LRRC59: variants seen among roughly 807,000 people sequenced by gnomAD.
The protein encoded by LRRC59 is leucine-rich repeat-containing protein 59.
In LRRC59, 18 loss-of-function variants were observed where a neutral mutation model predicts 33.5. That is an observed-to-expected ratio of 0.54 (90% CI 0.37 to 0.80). The LOEUF (loss-of-function observed/expected upper bound fraction) is 0.80, where lower values mean the gene tolerates loss of function less well. Ranked by LOEUF, LRRC59 falls within the 30% of genes least tolerant of loss-of-function variation. The pLI, the probability that LRRC59 is intolerant of heterozygous loss-of-function variation, is 0.00. For missense variants in LRRC59, 330 were observed against 391.9 expected (o/e 0.84, Z 1.33); for synonymous variants, 138 against 160.0 (o/e 0.86, Z 1.04).
chr17:50,388,432 T>C (rs1427979747), intron 4 of LRRC59, among the ~76,000 whole-genome samples: 2 of 152,110 alleles, frequency 1.3e-5, no homozygotes, highest in East Asian at 1.9e-4. Flanking sequence ...TCTCAGCTAC[T>C]TAGGAGGCCA....
intron 2 of LRRC59, among the ~76,000 whole-genome samples, chr17:50,393,530 AACAG>A (rs1914199989): frequency 6.6e-6 from 1 of 152,228 alleles, no homozygotes; most frequent in African/African-American, 2.4e-5. Context: ...ACAGGTGCTC[AACAG>A]ACATTCTGTG....
Position 50,395,004 on chromosome 17 carries a change from T to TG in LRRC59, c.106-17dup. The TG allele has an allele frequency of 6.3e-7, 1 of 1,596,762 alleles. No homozygotes were observed. Among genetic ancestry groups the TG allele is most frequent in the Non-Finnish European group, 8.6e-7 (1 of 1,165,594 alleles). ...GAAGGGCAGCCTAGGTAAAAGAGGA[T>TG]GAGAAAAACATGTCAGACCAACATC... On this transcript the variant is annotated splice_polypyrimidine_tract_variant and intron_variant, in intron 1 of 6. Coordinates refer to ENST00000225972, the MANE Select transcript of LRRC59 (RefSeq NM_018509.4).
chr17:50,388,807 C>T (rs183118715), intron 4 of LRRC59, among the ~76,000 whole-genome samples: 44 of 152,296 alleles, frequency 2.9e-4, no homozygotes, highest in Non-Finnish European at 5.1e-4. Flanking sequence ...GACTGCCCCT[C>T]CTGTGGCTAC....
At chr17:50,394,901 A>G in intron 2 of LRRC59, 28 bp downstream of exon 2, 1 of 1,530,602 alleles carries the variant, frequency 6.5e-7, no homozygotes, top group Non-Finnish European at 9.0e-7. Flanking sequence ...AGGCACCAGA[A>G]GGAGTCACGG....
At position 50,382,607 on chromosome 17, in the gene LRRC59, T is replaced by C. The variant is rs373546654; in HGVS notation, c.*381A>G. 1 of 214,266 alleles carries C rather than the reference T, an allele frequency of 4.7e-6. No homozygotes were observed. 13.3% of individuals were successfully genotyped at this position (214,266 alleles called of 1,614,324 possible). A position where few individuals can be genotyped will look rare whatever the true frequency, so the allele number is the denominator to read the frequency against. ...ATCTACCCTGATTCCCAGGGAGGAA[T>C]GAAAGGGTTTGTGGCATACAAAAGT... On this transcript the variant is annotated 3_prime_UTR_variant, in exon 7 of 7. Transcript: ENST00000225972.
At chr17:50,390,724 C>T (rs1275378962) in intron 4 of LRRC59, among the ~76,000 whole-genome samples, 1 of 152,174 alleles carries the variant, frequency 6.6e-6, no homozygotes, top group Admixed American at 6.5e-5. Context: ...TAGGTCTTAC[C>T]TGGTCAGAGC....
Position 50,392,417 on chromosome 17 carries a change from C to T in LRRC59, c.410G>A (p.Cys137Tyr). 6.2e-7 allele frequency: 1 copy of T among 1,614,084 alleles called. No homozygotes were observed. Among genetic ancestry groups the T allele is most frequent in the Non-Finnish European group, 8.5e-7 (1 of 1,179,992 alleles). Residue 137 changes from cysteine to tyrosine, a missense_variant, in exon 4 of 7, where the codon TGT becomes TAT. Coordinates refer to ENST00000225972, the MANE Select transcript of LRRC59 (RefSeq NM_018509.4). ...GCTTACCTTGTTTGCACACTGCTTA[C>T]ACTGCTTCTCATCCAAGCAGTCACC... ...VAGDCLDEKQ[C>Y]KQCANKVLQH... is the part of the protein sequence containing the mutation.
rs771007036 is a variant in LRRC59, at chr17:50,392,917, C to T, written c.166-20G>A. Reference sequence around the variant, plus strand: ...ATCCGACTAGGATCCAAAGAGAGAACCTAAGCTAGGCTTGTCCAACACACG... The same window carrying T: ...ATCCGACTAGGATCCAAAGAGAGAATCTAAGCTAGGCTTGTCCAACACACG... On this transcript the variant is annotated intron_variant, in intron 2 of 6. Transcript: ENST00000225972. The T allele has an allele frequency of 2.5e-6, 4 of 1,608,698 alleles. No homozygotes were observed. The African/African-American group carries it at 4.0e-5, about 16-fold the overall frequency.
chr17:50,384,955 G>C (rs752679421), intron 6 of LRRC59, among the ~76,000 whole-genome samples, 163 bp downstream of exon 6: 17 of 152,142 alleles, frequency 1.1e-4, no homozygotes, highest in African/African-American at 4.1e-4. Flanking sequence ...CTCCCTAGGA[G>C]AGTCCCCCAT....
At position 50,385,225 on chromosome 17, in the gene LRRC59, C is replaced by T. The variant is rs781210839; in HGVS notation, c.569G>A (p.Arg190Gln). Reference sequence around the variant, plus strand: ...GCGCTCCTTCTCTTCCGCCTTCTCCCGCTTCCGCAGTTCCCGCTCCTGAGC... The same window carrying T: ...GCGCTCCTTCTCTTCCGCCTTCTCCTGCTTCCGCAGTTCCCGCTCCTGAGC... ...KEAQERELRK[R>Q]EKAEEKERRR... The change falls in exon 6 of 7, where the codon CGG becomes CAG. Residue 190 changes from arginine (R) to glutamine (Q), a missense_variant. Arg to Gln is a conservative substitution (Grantham distance 43, BLOSUM62 1). Transcript: ENST00000225972. 4 of 1,614,160 alleles carry T rather than the reference C, an allele frequency of 2.5e-6. No homozygotes were observed. The highest frequency in any genetic ancestry group is 2.2e-5 in the East Asian group (1 of 44,880).
chr17:50,385,020 A>G, intron 6 of LRRC59, 98 bp downstream of exon 6: 1 of 1,359,296 alleles, frequency 7.4e-7, no homozygotes, highest in South Asian at 1.4e-5. Context: ...TACTTTATCT[A>G]AGGTTTGCAG....
chr17:50,382,355 T>G lies in LRRC59; in HGVS notation c.*633A>C, dbSNP rs999618490. The G allele has an allele frequency of 6.6e-6, 1 of 152,488 alleles. No homozygotes were observed. The highest frequency in any genetic ancestry group is 2.4e-5 in the African/African-American group (1 of 41,448). 9.4% of individuals were successfully genotyped at this position (152,488 alleles called of 1,614,324 possible). A position where few individuals can be genotyped will look rare whatever the true frequency, so the allele number is the denominator to read the frequency against. Reference sequence around the variant, plus strand: ...ACCAGAGTGGGAATCCAGTTTTGCCTCAAACTAGCTGGGAGACTAGGCAAG... The same window carrying G: ...ACCAGAGTGGGAATCCAGTTTTGCCGCAAACTAGCTGGGAGACTAGGCAAG... On this transcript the variant is annotated 3_prime_UTR_variant, in exon 7 of 7. Coordinates refer to ENST00000225972, the MANE Select transcript of LRRC59 (RefSeq NM_018509.4).
intron 4 of LRRC59, 96 bp from the exon 5 acceptor site, chr17:50,388,228 T>G (rs1417509162): frequency 6.2e-6 from 7 of 1,131,568 alleles, no homozygotes; most frequent in Non-Finnish European, 9.3e-6. Flanking sequence ...CAGATTATCA[T>G]GGTAGCAATG....
intron 4 of LRRC59, 114 bp downstream of exon 4, chr17:50,392,284 G>A: frequency 4.1e-6 from 3 of 739,032 alleles, no homozygotes; most frequent in East Asian, 2.5e-5. Flanking sequence ...ATTTCACTCG[G>A]ACCTGAATGC....
intron 5 of LRRC59, 99 bp downstream of exon 5, chr17:50,387,961 C>G: frequency 8.3e-7 from 1 of 1,202,026 alleles, no homozygotes; most frequent in South Asian, 1.2e-5. Flanking sequence ...ACTAACTGTT[C>G]TTCATGACTA....
At chr17:50,385,407 A>G (rs988743348) in intron 5 of LRRC59, 116 bp from the exon 6 acceptor site, 14 of 1,115,422 alleles carry the variant, frequency 1.3e-5, no homozygotes, top group African/African-American at 1.2e-4. Context: ...CATGGTTCAC[A>G]TAAGAAATAT....
At chr17:50,396,754 A>T in intron 1 of LRRC59, 1 of 191,024 alleles carries the variant, frequency 5.2e-6, no homozygotes, top group African/African-American at 2.3e-5. Flanking sequence ...AGGCTGCCTC[A>T]GGGCTCGGGC....
intron 4 of LRRC59, among the ~76,000 whole-genome samples, chr17:50,389,436 C>T (rs951165428): frequency 1.2e-4 from 18 of 152,054 alleles, no homozygotes; most frequent in Admixed American, 3.3e-4. Context: ...CTTTCTGAGC[C>T]GATTTTCTGA....
At chr17:50,383,437 A>G (rs1031235231) in intron 6 of LRRC59, among the ~76,000 whole-genome samples, 2 of 152,136 alleles carry the variant, frequency 1.3e-5, no homozygotes, top group African/African-American at 4.8e-5. Context: ...TAGATTTGCA[A>G]CTGGCACTCA....
Sources: gnomAD v4.1 joint callset for allele counts (sites outside exome capture counted in the v4.1 genomes callset) on GRCh38, gnomAD v4.1.1 for gene constraint, MANE v1.5 for transcripts, NCBI Gene and HGNC (gene_info 2026-07-23, HGNC 2026-07-21) for gene names.